The following SLC35D4 variants were observed in gnomAD, a reference collection of about 807,000 sequenced individuals.
SLC35D4 encodes solute carrier family 35 member D4.
At chr18:23,400,327 G>T in the SLC35D4 span, among the ~76,000 whole-genome samples, 1 of 152,150 alleles carries the variant, frequency 6.6e-6, no homozygotes, top group Non-Finnish European at 1.5e-5. Flanking sequence ...TCATCAGTTA[G>T]AAATGCATTT....
chr18:23,243,098 A>G, the SLC35D4 span, among the ~76,000 whole-genome samples: 1 of 151,450 alleles, frequency 6.6e-6, no homozygotes, highest in Non-Finnish European at 1.5e-5. Context: ...AGAACTATAT[A>G]TATATCTATT....
At chr18:23,255,316 C>G in the SLC35D4 span, among the ~76,000 whole-genome samples, 1 of 89,658 alleles carries the variant, frequency 1.1e-5, no homozygotes, top group South Asian at 3.4e-4. Flanking sequence ...TAAGTCAGTG[C>G]CCCCATATGT....
chr18:23,273,068 A>C, the SLC35D4 span, among the ~76,000 whole-genome samples: 1 of 152,218 alleles, frequency 6.6e-6, no homozygotes, highest in Admixed American at 6.5e-5. Flanking sequence ...TGGGTGTGCT[A>C]ATGACGGGAG....
At chr18:23,244,798 G>C in the SLC35D4 span, among the ~76,000 whole-genome samples, 9 of 152,190 alleles carry the variant, frequency 5.9e-5, no homozygotes, top group Admixed American at 5.9e-4. Flanking sequence ...AGGTCTTACA[G>C]CTAGCTCCTG....
chr18:23,396,437 G>A, the SLC35D4 span, among the ~76,000 whole-genome samples: 1 of 152,098 alleles, frequency 6.6e-6, no homozygotes, highest in Non-Finnish European at 1.5e-5. Flanking sequence ...TCTAAGCAAC[G>A]ATGTAAAAAC....
the SLC35D4 span, among the ~76,000 whole-genome samples, chr18:23,353,076 AGT>A: frequency 0.081 from 10,287 of 126,328 alleles, 292 homozygotes; most frequent in South Asian, 0.11. Flanking sequence ...TGAGACAGAC[AGT>A]GTGTGTGTGT....
the SLC35D4 span, among the ~76,000 whole-genome samples, chr18:23,397,365 TCTCTTTCCACTA>T: frequency 6.6e-6 from 1 of 152,132 alleles, no homozygotes; most frequent in African/African-American, 2.4e-5. Flanking sequence ...AGGAAAATGG[TCTCTTTCCACTA>T]AAGTTGTGAG....
chr18:23,437,517 C>G, the SLC35D4 span, among the ~76,000 whole-genome samples: 22 of 152,090 alleles, frequency 1.4e-4, no homozygotes, highest in African/African-American at 5.3e-4. Flanking sequence ...AGCCCCAAAC[C>G]AAGTTCCCGG....
At chr18:23,239,423 C>G in the SLC35D4 span, among the ~76,000 whole-genome samples, 1 of 152,196 alleles carries the variant, frequency 6.6e-6, no homozygotes, top group Non-Finnish European at 1.5e-5. Context: ...GGGAAATCCA[C>G]GTTTCAGAAT....
chr18:23,377,541 C>A, the SLC35D4 span: 2 of 1,072,416 alleles, frequency 1.9e-6, no homozygotes, highest in South Asian at 1.8e-5. Flanking sequence ...ATAATAAATT[C>A]TTCTGCCACC....
At chr18:23,253,396 T>C in the SLC35D4 span, among the ~76,000 whole-genome samples, 5 of 152,150 alleles carry the variant, frequency 3.3e-5, no homozygotes, top group African/African-American at 1.2e-4. Flanking sequence ...GGCAGGAGAA[T>C]TGCTTGAACC....
At chr18:23,300,433 CA>C in the SLC35D4 span, among the ~76,000 whole-genome samples, 7 of 152,164 alleles carry the variant, frequency 4.6e-5, no homozygotes, top group African/African-American at 1.7e-4. Context: ...CCTTAATCAC[CA>C]GGGAGAAAAC....
chr18:23,408,230 C>T, the SLC35D4 span, among the ~76,000 whole-genome samples: 4 of 152,144 alleles, frequency 2.6e-5, no homozygotes, highest in African/African-American at 9.7e-5. Flanking sequence ...CAATTGGACA[C>T]ACTATGCACT....
the SLC35D4 span, among the ~76,000 whole-genome samples, chr18:23,406,473 A>G: frequency 6.6e-6 from 1 of 152,352 alleles, no homozygotes; most frequent in African/African-American, 2.4e-5. Flanking sequence ...CTCTTAAGTA[A>G]GCAGACCACA....
chr18:23,350,789 G>A, the SLC35D4 span, among the ~76,000 whole-genome samples: 3 of 152,236 alleles, frequency 2.0e-5, no homozygotes, highest in African/African-American at 7.2e-5. Context: ...AAGCCTGCTG[G>A]TTTTCACAGC....
the SLC35D4 span, among the ~76,000 whole-genome samples, chr18:23,243,473 T>G: frequency 4.0e-5 from 6 of 150,220 alleles, no homozygotes; most frequent in African/African-American, 9.8e-5. Context: ...TTGGTGTTTT[T>G]TTTTTTTTTT....
At chr18:23,258,330 A>AAAG in the SLC35D4 span, 8 of 152,588 alleles carry the variant, frequency 5.2e-5, no homozygotes, top group African/African-American at 1.2e-4. Flanking sequence ...TCGCTATATA[A>AAAG]AAGTGTTTTA....
the SLC35D4 span, among the ~76,000 whole-genome samples, chr18:23,310,424 G>T: frequency 1.3e-5 from 2 of 152,118 alleles, no homozygotes; most frequent in South Asian, 4.1e-4. Flanking sequence ...CCCCAGAAGT[G>T]CCTCGAACCC....
chr18:23,253,249 G>A, the SLC35D4 span, among the ~76,000 whole-genome samples: 2 of 152,192 alleles, frequency 1.3e-5, no homozygotes, highest in Non-Finnish European at 2.9e-5. Flanking sequence ...TTGGGAGGCC[G>A]AAGTGGGCGG....
Sources: allele counts gnomAD v4.1 joint callset (sites outside exome capture counted in the v4.1 genomes callset), GRCh38; gene constraint gnomAD v4.1.1; transcripts MANE v1.5; gene names NCBI Gene and HGNC (gene_info 2026-07-23, HGNC 2026-07-21).